SLC1A1: variants seen among roughly 807,000 people sequenced by gnomAD.
The protein encoded by SLC1A1 is excitatory amino acid transporter 3.
Under a neutral mutation model 53.3 loss-of-function variants are expected in SLC1A1, and 43 were observed. The observed-to-expected ratio is 0.81, with a 90% CI of 0.63 to 1.04. The LOEUF (loss-of-function observed/expected upper bound fraction) is 1.04. Among genes scored for constraint, SLC1A1 ranks in the 50% least tolerant of loss-of-function variants. The pLI is 0.00. For missense variants in SLC1A1, 748 were observed against 664.9 expected (o/e 1.12, Z -1.37); for synonymous variants, 307 against 243.2 (o/e 1.26, Z -2.44).
intron 3 of SLC1A1, among the ~76,000 whole-genome samples, chr9:4,562,553 G>C (rs1441764044): frequency 6.6e-6 from 1 of 152,182 alleles, no homozygotes; most frequent in Admixed American, 6.5e-5. Context: ...TAATAAGGGA[G>C]GAGCTGCTCT....
At chr9:4,539,043 A>G (rs562894063) in intron 1 of SLC1A1, among the ~76,000 whole-genome samples, 1 of 152,220 alleles carries the variant, frequency 6.6e-6, no homozygotes, top group South Asian at 2.1e-4. Flanking sequence ...CTTTGCCAGT[A>G]ATTCTTATTT....
At chr9:4,502,288 G>T (rs1049351955) in intron 1 of SLC1A1, among the ~76,000 whole-genome samples, 38 of 147,574 alleles carry the variant, frequency 2.6e-4, no homozygotes, top group African/African-American at 9.3e-4. Context: ...TCAGGGGGCT[G>T]AGGTGAGAGG....
At chr9:4,497,805 T>C (rs1820487597) in intron 1 of SLC1A1, among the ~76,000 whole-genome samples, 1 of 152,206 alleles carries the variant, frequency 6.6e-6, no homozygotes, top group Non-Finnish European at 1.5e-5. Context: ...TCTTAACTGT[T>C]TTTTTAATTT....
chr9:4,561,421 T>C lies in SLC1A1; in HGVS notation c.233-28T>C, dbSNP rs72694015. The C allele has an allele frequency of 0.14, 186,882 of 1,348,496 alleles. 16,507 individuals carry two copies. Among genetic ancestry groups the C allele is most frequent in the East Asian group, 0.42 (18,299 of 43,684 alleles). 83.5% of individuals were successfully genotyped at this position (1,348,496 alleles called of 1,614,324 possible). A position where few individuals can be genotyped will look rare whatever the true frequency, so the allele number is the denominator to read the frequency against. ...CTGGAAACCTGTCTTTTAAAATTAA[T>C]GTAATTTGATTTCTGTCTCCCCTTC... On this transcript the variant is annotated intron_variant, in intron 2 of 11. Coordinates refer to ENST00000262352, the MANE Select transcript of SLC1A1 (RefSeq NM_004170.6).
At chr9:4,550,169 G>C (rs1817809776) in intron 2 of SLC1A1, among the ~76,000 whole-genome samples, 1 of 152,160 alleles carries the variant, frequency 6.6e-6, no homozygotes, top group African/African-American at 2.4e-5. Context: ...TTTGCGTTTT[G>C]TTTATCAATG....
rs545255726 is a variant in SLC1A1 at position 4,561,294 on chromosome 9, T to C, written c.233-155T>C. Reference sequence around the variant, plus strand: ...CCCTCTCTTAAATCTGTTTGGAATTTTGAAGTGTTGCTTTTGCCCATTGCA... The same window carrying C: ...CCCTCTCTTAAATCTGTTTGGAATTCTGAAGTGTTGCTTTTGCCCATTGCA... On this transcript the variant is annotated intron_variant, in intron 2 of 11. Transcript: ENST00000262352. 3.9e-5 allele frequency among the ~76,000 whole-genome samples: 6 copies of C among 152,312 alleles called. No individual in the cohort carries two copies. The South Asian group carries it at 1.2e-3, about 32-fold the overall frequency.
At chr9:4,574,526 T>G (rs1428354599) in intron 8 of SLC1A1, among the ~76,000 whole-genome samples, 2 of 152,020 alleles carry the variant, frequency 1.3e-5, no homozygotes, top group Non-Finnish European at 2.9e-5. Context: ...TCAGAGAGGG[T>G]GCCAGGAGAA....
intron 1 of SLC1A1, among the ~76,000 whole-genome samples, chr9:4,507,876 G>A (rs1254760023): frequency 2.6e-5 from 4 of 152,144 alleles, no homozygotes; most frequent in Admixed American, 2.0e-4. Context: ...TACACACAGG[G>A]AGATGGCTTC....
intron 1 of SLC1A1, among the ~76,000 whole-genome samples, chr9:4,540,754 T>A (rs1586732256): frequency 1.3e-5 from 2 of 152,198 alleles, no homozygotes; most frequent in East Asian, 3.8e-4. Context: ...AGTTCCCACC[T>A]GCAACGGTGT....
At position 4,544,691 on chromosome 9, in the gene SLC1A1, A is replaced by G. The variant is rs774962815; in HGVS notation, c.216A>G (p.Ile72Met). Residue 72 changes from isoleucine (I) to methionine (M), a missense_variant, in exon 2 of 12, where the codon ATA (isoleucine) becomes ATG (methionine). By Grantham distance (10) the Ile-to-Met change is conservative. Transcript: ENST00000262352. ...AACTCATCATTTTGCCATTAATTAT[A>G]TCCAGCATGATTACAGGTACCTTGA... ...MLKLIILPLI[I>M]SSMITGVAAL... 3.1e-6 allele frequency: 5 copies of G among 1,613,452 alleles called. No homozygotes were observed. The highest frequency in any genetic ancestry group is 1.7e-4 in the Middle Eastern group (1 of 6,058).
At chr9:4,535,105 T>C (rs1375821892) in intron 1 of SLC1A1, among the ~76,000 whole-genome samples, 1 of 152,180 alleles carries the variant, frequency 6.6e-6, no homozygotes, top group Non-Finnish European at 1.5e-5. Context: ...AATATCATAC[T>C]GAATGGGCAA....
rs1014216278 is a variant in SLC1A1, at chr9:4,573,841, C to T, written c.768-66C>T. ...GGTGCCCACACTGGAGTGTTCCTTC[C>T]CCACCAACCTAGCATGAGAAAGCAC... On this transcript the variant is annotated intron_variant, in intron 7 of 11. Transcript: ENST00000262352. 9 of 1,113,026 alleles carry T rather than the reference C, an allele frequency of 8.1e-6. No individual in the cohort carries two copies. The East Asian group carries it at 2.1e-4, about 26-fold the overall frequency. The allele number at this position is 1,113,026 out of a possible 1,614,324, so 68.9% of individuals were successfully genotyped here. A position where few individuals can be genotyped will look rare whatever the true frequency, so the allele number is the denominator to read the frequency against.
chr9:4,494,363 A>G (rs1279309898), intron 1 of SLC1A1, among the ~76,000 whole-genome samples: 1 of 152,194 alleles, frequency 6.6e-6, no homozygotes, highest in Non-Finnish European at 1.5e-5. Context: ...GCATATATTC[A>G]GCACTCAATA....
chr9:4,557,672 G>A (rs1818546875), intron 2 of SLC1A1, among the ~76,000 whole-genome samples: 1 of 152,044 alleles, frequency 6.6e-6, no homozygotes. Flanking sequence ...AACTCAGTTT[G>A]TCAGTCACAC....
At position 4,583,205 on chromosome 9, in the gene SLC1A1, A is replaced by G; in HGVS notation, c.1328+33A>G. 1 of 1,613,594 alleles carries G rather than the reference A, an allele frequency of 6.2e-7. No homozygotes were observed. On this transcript the variant is annotated intron_variant, in intron 11 of 11. Transcript: ENST00000262352. The surrounding 1 kb of genome is among the most constrained non-coding windows in gnomAD (Gnocchi z 4.6). ...GGAATAAATGCACTGCCTTAGCTGG[A>G]TGTGCAGGCGGGCTTCCCAGCCTCG...
intron 4 of SLC1A1, 63 bp downstream of exon 4, chr9:4,564,521 T>C (rs1007123497): frequency 1.1e-6 from 1 of 901,988 alleles, no homozygotes; most frequent in African/African-American, 1.6e-5. Flanking sequence ...GCCTTGTATG[T>C]GGTTTAATAT....
chr9:4,533,314 A>C (rs1165546930), intron 1 of SLC1A1, among the ~76,000 whole-genome samples: 1 of 152,204 alleles, frequency 6.6e-6, no homozygotes, highest in Non-Finnish European at 1.5e-5. Context: ...GTATTCAGGA[A>C]ACCCATCTCA....
Position 4,568,654 on chromosome 9 carries a change from C to A in SLC1A1, c.582+887C>A, listed in dbSNP as rs150863849. On this transcript the variant is annotated intron_variant, in intron 6 of 11. Coordinates refer to ENST00000262352, the MANE Select transcript of SLC1A1 (RefSeq NM_004170.6). ...GAGGATCGTTTGAGCTATGATTGCA[C>A]CACTGCACTCAGCCTGGGTGACAGA... 4.2e-3 allele frequency among the ~76,000 whole-genome samples: 632 copies of A among 151,044 alleles called. 7 individuals carry two copies. The highest frequency in any genetic ancestry group is 0.015 in the African/African-American group (604 of 41,020).
At chr9:4,510,321 A>C (rs1227571013) in intron 1 of SLC1A1, among the ~76,000 whole-genome samples, 1 of 152,202 alleles carries the variant, frequency 6.6e-6, no homozygotes, top group Non-Finnish European at 1.5e-5. Context: ...CCTTTCTTCC[A>C]TGCAAGGAGG....
Sources: gnomAD v4.1 joint callset for allele counts (sites outside exome capture counted in the v4.1 genomes callset) on GRCh38, gnomAD v4.1.1 for gene constraint, Gnocchi (gnomAD v3.1) non-coding constraint, MANE v1.5 for transcripts, NCBI Gene and HGNC (gene_info 2026-07-23, HGNC 2026-07-21) for gene names.